The following GRIN2A variants were observed in gnomAD, a reference collection of about 807,000 sequenced individuals.
GRIN2A encodes the protein glutamate receptor ionotropic, NMDA 2A.
Under a neutral mutation model 113.4 loss-of-function variants are expected in GRIN2A, and 22 were observed. That is an observed-to-expected ratio of 0.19 (90% CI 0.14 to 0.28). The LOEUF is 0.28. Among genes scored for constraint, GRIN2A ranks in the 10% least tolerant of loss-of-function variants. The pLI is 1.00. For synonymous variants in GRIN2A, 827 were observed against 738.4 expected, an observed-to-expected ratio of 1.12 and a Z score of -1.94; for missense variants, 1,502 against 1,887.0, an observed-to-expected ratio of 0.80 and a Z score of 3.78.
chr16:10,108,501 G>A (rs1486283537), intron 2 of GRIN2A, among the ~76,000 whole-genome samples: 1 of 152,152 alleles, frequency 6.6e-6, no homozygotes, highest in African/African-American at 2.4e-5. Context: ...TCACACAGCT[G>A]ACAGGTAACA....
intron 2 of GRIN2A, among the ~76,000 whole-genome samples, chr16:10,167,261 T>A (rs1232177937): frequency 6.6e-6 from 1 of 152,168 alleles, no homozygotes; most frequent in South Asian, 2.1e-4. Flanking sequence ...GTCCGTAGCC[T>A]TCATTAGATT....
chr16:9,860,074 T>C (rs2043039166), intron 4 of GRIN2A, among the ~76,000 whole-genome samples: 1 of 151,966 alleles, frequency 6.6e-6, no homozygotes, highest in Admixed American at 6.6e-5. Context: ...AGACAAATGC[T>C]ATGCCGGGAG....
intron 4 of GRIN2A, among the ~76,000 whole-genome samples, chr16:9,858,102 T>C (rs902250045): frequency 6.6e-6 from 1 of 152,236 alleles, no homozygotes; most frequent in Non-Finnish European, 1.5e-5. Flanking sequence ...GGAATGTGCA[T>C]GTGACCTAAG....
intron 4 of GRIN2A, among the ~76,000 whole-genome samples, chr16:9,880,354 C>T (rs960116686): frequency 6.6e-6 from 1 of 152,146 alleles, no homozygotes; most frequent in South Asian, 2.1e-4. Flanking sequence ...AACTATTAGG[C>T]TTGTGTGAAA....
At chr16:10,076,372 C>G (rs996608742) in intron 2 of GRIN2A, among the ~76,000 whole-genome samples, 1 of 152,194 alleles carries the variant, frequency 6.6e-6, no homozygotes, top group Admixed American at 6.5e-5. Flanking sequence ...CACAAAACCC[C>G]TAGCCACAAT....
intron 11 of GRIN2A, among the ~76,000 whole-genome samples, chr16:9,795,089 A>G (rs1902895302): frequency 6.6e-6 from 1 of 152,146 alleles, no homozygotes; most frequent in South Asian, 2.1e-4. Context: ...TGTGAACCAG[A>G]ACACTCCATC....
intron 2 of GRIN2A, among the ~76,000 whole-genome samples, chr16:10,089,570 A>C (rs1420267767): frequency 6.6e-6 from 1 of 152,142 alleles, no homozygotes; most frequent in Non-Finnish European, 1.5e-5. Flanking sequence ...TCTAAGAATT[A>C]TGAGAGAGTT....
chr16:9,849,350 A>C (rs1451243625), intron 5 of GRIN2A, among the ~76,000 whole-genome samples: 1 of 151,488 alleles, frequency 6.6e-6, no homozygotes, highest in Non-Finnish European at 1.5e-5. Flanking sequence ...TAAATGAATA[A>C]ATTAAATTAA....
At chr16:9,927,932 G>A (rs4782045) in intron 3 of GRIN2A, among the ~76,000 whole-genome samples, 152,111 of 152,348 alleles carry the variant, frequency 1, 75,940 homozygotes, top group Middle Eastern at 1. Flanking sequence ...TGTTTGGCCA[G>A]GACTTAACCA....
intron 11 of GRIN2A, among the ~76,000 whole-genome samples, chr16:9,792,894 A>G (rs1300665843): frequency 6.6e-6 from 1 of 152,218 alleles, no homozygotes; most frequent in Non-Finnish European, 1.5e-5. Flanking sequence ...TTGGACTCAG[A>G]TGAACTAGAG....
intron 11 of GRIN2A, among the ~76,000 whole-genome samples, chr16:9,789,358 A>G (rs1195254251): frequency 2.0e-5 from 3 of 152,192 alleles, no homozygotes; most frequent in Admixed American, 6.5e-5. Flanking sequence ...CTGAAGGTAC[A>G]GTCCCTCTCT....
chr16:10,125,206 G>T (rs1045174066), intron 2 of GRIN2A, among the ~76,000 whole-genome samples: 4 of 152,224 alleles, frequency 2.6e-5, no homozygotes, highest in African/African-American at 9.6e-5. Context: ...TATGGAGTCA[G>T]AACTTGACCT....
At chr16:10,049,659 A>T (rs7186950) in intron 2 of GRIN2A, among the ~76,000 whole-genome samples, 1 of 152,008 alleles carries the variant, frequency 6.6e-6, no homozygotes, top group African/African-American at 2.4e-5. Flanking sequence ...GATTACAGGC[A>T]TGAGTCACCG....
At chr16:10,102,835 C>G (rs987371732) in intron 2 of GRIN2A, among the ~76,000 whole-genome samples, 1 of 152,162 alleles carries the variant, frequency 6.6e-6, no homozygotes, top group African/African-American at 2.4e-5. Flanking sequence ...TAGGTCTCTC[C>G]AAAATCAAAG....
intron 2 of GRIN2A, among the ~76,000 whole-genome samples, chr16:10,028,991 G>C (rs997129198): frequency 6.6e-6 from 1 of 152,156 alleles, no homozygotes; most frequent in Non-Finnish European, 1.5e-5. Flanking sequence ...ATATAGGAAA[G>C]GGGGAGTCCT....
intron 2 of GRIN2A, among the ~76,000 whole-genome samples, chr16:10,177,686 G>C (rs866454845): frequency 6.6e-6 from 1 of 152,208 alleles, no homozygotes; most frequent in South Asian, 2.1e-4. Flanking sequence ...TCCCAAAGGA[G>C]AGAAGAATGT....
At chr16:9,975,422 A>T (rs1188653540) in intron 2 of GRIN2A, among the ~76,000 whole-genome samples, 1 of 152,204 alleles carries the variant, frequency 6.6e-6, no homozygotes, top group East Asian at 1.9e-4. Flanking sequence ...AGAGAGACTC[A>T]AAGTGTCAGA....
intron 2 of GRIN2A, among the ~76,000 whole-genome samples, chr16:10,020,028 A>C (rs968680079): frequency 6.6e-6 from 1 of 152,252 alleles, no homozygotes; most frequent in African/African-American, 2.4e-5. Context: ...CACACTCATC[A>C]AAACATCACA....
chr16:9,918,464 G>A (rs924418784), intron 3 of GRIN2A, among the ~76,000 whole-genome samples: 1 of 152,116 alleles, frequency 6.6e-6, no homozygotes, highest in East Asian at 1.9e-4. Context: ...ATATATAAAT[G>A]TGGTCTCTCT....
Sources: allele counts gnomAD v4.1 joint callset (sites outside exome capture counted in the v4.1 genomes callset), GRCh38; gene constraint gnomAD v4.1.1; transcripts MANE v1.5; gene names NCBI Gene and HGNC (gene_info 2026-07-23, HGNC 2026-07-21).